DNAH14: variants seen among roughly 807,000 people sequenced by gnomAD.
DNAH14 encodes the protein axonemal beta dynein heavy chain 14.
Under a neutral mutation model 520.9 loss-of-function variants are expected in DNAH14, and 478 were observed. The observed-to-expected ratio is 0.92, with a 90% CI of 0.85 to 0.99. The LOEUF (loss-of-function observed/expected upper bound fraction) is 0.99, where lower values mean the gene tolerates loss of function less well. Among genes scored for constraint, DNAH14 ranks in the 50% least tolerant of loss-of-function variants. DNAH14 has a pLI of 0.00. For missense variants in DNAH14, 4,831 were observed against 5,234.5 expected, an observed-to-expected ratio of 0.92 and a Z score of 2.38; for synonymous variants, 1,581 against 1,757.2, an observed-to-expected ratio of 0.90 and a Z score of 2.51.
intron 35 of DNAH14, among the ~76,000 whole-genome samples, chr1:225,167,085 G>T (rs572743383): frequency 5.3e-5 from 8 of 152,226 alleles, no homozygotes; most frequent in African/African-American, 1.9e-4. Context: ...GCCTGAAGTG[G>T]GCAGTCTCAT....
At chr1:225,383,852 T>C (rs979908880) in intron 81 of DNAH14, among the ~76,000 whole-genome samples, 1 of 152,236 alleles carries the variant, frequency 6.6e-6, no homozygotes, top group African/African-American at 2.4e-5. Context: ...TTTAGATCTT[T>C]CCTGCTTTCT....
intron 38 of DNAH14, among the ~76,000 whole-genome samples, chr1:225,203,382 G>C (rs531579054): frequency 6.6e-6 from 1 of 152,276 alleles, no homozygotes; most frequent in African/African-American, 2.4e-5. Flanking sequence ...GGAATTAGTA[G>C]GAATTGATTA....
intron 51 of DNAH14, 115 bp from the exon 52 acceptor site, chr1:225,272,840 C>A: frequency 9.8e-7 from 1 of 1,024,104 alleles, no homozygotes; most frequent in Non-Finnish European, 1.4e-6. Context: ...CAATTCTTAC[C>A]TTGGATAATT....
At position 225,276,973 on chromosome 1, in the gene DNAH14, GGAAGGA is replaced by G. The variant is rs1295363397; in HGVS notation, c.8179-436_8179-431del. The stretch of plus-strand genomic sequence containing the variant: ...AGGAAGGAAGGAAGGAAGGAAGGAA[GGAAGGA>G]AGGAAGGGAGGGAGGAAGGAAGGGA... On this transcript the variant is annotated intron_variant, in intron 53 of 85. Coordinates refer to ENST00000682510, the MANE Select transcript of DNAH14 (RefSeq NM_001367479.1). 4.2e-3 allele frequency among the ~76,000 whole-genome samples: 251 copies of G among 59,618 alleles called. 1 individual carries two copies. The highest frequency in any genetic ancestry group is 0.019 in the African/African-American group (234 of 12,408). The allele number at this position is 59,618 out of a possible 152,430, so 39.1% of individuals were successfully genotyped here.
At chr1:224,951,592 C>G (rs1277371215) in intron 1 of DNAH14, among the ~76,000 whole-genome samples, 1 of 150,650 alleles carries the variant, frequency 6.6e-6, no homozygotes, top group Admixed American at 6.6e-5. Context: ...GGTAGACTGT[C>G]CTACATTGAT....
At chr1:225,205,910 G>T in intron 39 of DNAH14, 61 bp from the exon 40 acceptor site, 2 of 1,363,586 alleles carry the variant, frequency 1.5e-6, no homozygotes, top group South Asian at 1.3e-5. Flanking sequence ...AAATTAGCAA[G>T]ATTGTAATGA....
intron 23 of DNAH14, among the ~76,000 whole-genome samples, chr1:225,112,699 A>G (rs2076575031): frequency 1.3e-5 from 2 of 151,408 alleles, no homozygotes; most frequent in South Asian, 2.1e-4. Flanking sequence ...CCTCATCTGT[A>G]TTTTCAAATA....
At chr1:225,225,495 C>T (rs2090452726) in intron 41 of DNAH14, among the ~76,000 whole-genome samples, 1 of 152,130 alleles carries the variant, frequency 6.6e-6, no homozygotes, top group Non-Finnish European at 1.5e-5. Flanking sequence ...ATCCAACATT[C>T]CACAGGCATC....
At chr1:224,944,065 T>A (rs915838073) in intron 1 of DNAH14, among the ~76,000 whole-genome samples, 6 of 152,178 alleles carry the variant, frequency 3.9e-5, no homozygotes, top group African/African-American at 1.4e-4. Flanking sequence ...ACTTTCTGTC[T>A]TGTTGATGTG....
intron 43 of DNAH14, among the ~76,000 whole-genome samples, chr1:225,241,055 C>T (rs2091934371): frequency 6.6e-6 from 1 of 152,062 alleles, no homozygotes; most frequent in South Asian, 2.1e-4. Context: ...GAAGATAAAG[C>T]CATAAAACTA....
intron 36 of DNAH14, among the ~76,000 whole-genome samples, chr1:225,177,588 T>C (rs961209456): frequency 1.3e-5 from 2 of 152,042 alleles, no homozygotes; most frequent in Admixed American, 6.6e-5. Context: ...GTCTCTGTGC[T>C]GTATGCAGCC....
intron 83 of DNAH14, among the ~76,000 whole-genome samples, chr1:225,391,428 T>C (rs913461228): frequency 1.3e-5 from 2 of 152,134 alleles, no homozygotes; most frequent in Non-Finnish European, 2.9e-5. Context: ...GCCATGATCA[T>C]GCCACTGTAC....
At chr1:225,204,602 TC>T (rs1448252427) in intron 39 of DNAH14, among the ~76,000 whole-genome samples, 1 of 152,202 alleles carries the variant, frequency 6.6e-6, no homozygotes, top group African/African-American at 2.4e-5. Context: ...TGATATTGCC[TC>T]TGAAATGGGA....
intron 17 of DNAH14, among the ~76,000 whole-genome samples, chr1:225,062,845 CT>C (rs1172909299): frequency 6.6e-6 from 1 of 152,110 alleles, no homozygotes; most frequent in African/African-American, 2.4e-5. Context: ...TCAAATTGTT[CT>C]GCATTTAATT....
intron 41 of DNAH14, among the ~76,000 whole-genome samples, chr1:225,217,061 G>A (rs1188101701): frequency 2.0e-5 from 3 of 152,194 alleles, no homozygotes. Context: ...TTTGATGATG[G>A]TGATGTACAG....
At chr1:225,305,189 G>T (rs551033266) in intron 58 of DNAH14, 100 bp downstream of exon 58, 6 of 1,336,660 alleles carry the variant, frequency 4.5e-6, no homozygotes, top group Non-Finnish European at 6.0e-6. Context: ...CTGCCTTTTT[G>T]GTGGGACAAA....
chr1:224,981,699 A>G (rs1272685724), intron 8 of DNAH14, among the ~76,000 whole-genome samples: 1 of 152,058 alleles, frequency 6.6e-6, no homozygotes, highest in Non-Finnish European at 1.5e-5. Context: ...TAAACTTGCT[A>G]ATGGTCTATC....
intron 17 of DNAH14, among the ~76,000 whole-genome samples, chr1:225,076,554 G>GTT (rs2072298695): frequency 6.6e-6 from 1 of 152,126 alleles, no homozygotes; most frequent in Non-Finnish European, 1.5e-5. Flanking sequence ...CTTGCTCCCT[G>GTT]TTATTATCTG....
chr1:225,208,817 G>A (rs1373301291), intron 41 of DNAH14, among the ~76,000 whole-genome samples: 2 of 152,062 alleles, frequency 1.3e-5, no homozygotes, highest in Non-Finnish European at 2.9e-5. Context: ...CTGTTTGGTT[G>A]ATTTCTATTG....
Sources: gnomAD v4.1 joint callset for allele counts (sites outside exome capture counted in the v4.1 genomes callset) on GRCh38, gnomAD v4.1.1 for gene constraint, MANE v1.5 for transcripts, NCBI Gene and HGNC (gene_info 2026-07-23, HGNC 2026-07-21) for gene names.